Variants in MTREX observed in about 807,000 individuals in gnomAD.
The protein encoded by MTREX is Mtr4 exosome RNA helicase.
Under a neutral mutation model 135.4 loss-of-function variants are expected in MTREX, and 76 were observed. The observed-to-expected ratio is 0.56, with a 90% CI of 0.47 to 0.68. The LOEUF is 0.68. Ranked by LOEUF, MTREX falls within the 30% of genes least tolerant of loss-of-function variation. The pLI is 0.00. For missense variants in MTREX, 920 were observed against 1,262.1 expected (o/e 0.73, Z 4.11); for synonymous variants, 404 against 401.6 (o/e 1.01, Z -0.07).
intron 15 of MTREX, among the ~76,000 whole-genome samples, chr5:55,364,783 A>C (rs1357137478): frequency 1.3e-5 from 2 of 151,844 alleles, no homozygotes; most frequent in Non-Finnish European, 2.9e-5. Context: ...ATAATTGATT[A>C]AAAAGGGAGA....
intron 26 of MTREX, 22 bp from the exon 27 acceptor site, chr5:55,424,698 A>C: frequency 1.3e-6 from 2 of 1,590,268 alleles, no homozygotes; most frequent in Non-Finnish European, 1.7e-6. Context: ...GAAAGTTTAA[A>C]CCTTACTTTC....
At chr5:55,415,144 A>G (rs1451315695) in intron 24 of MTREX, among the ~76,000 whole-genome samples, 2 of 152,112 alleles carry the variant, frequency 1.3e-5, no homozygotes, top group Non-Finnish European at 2.9e-5. Flanking sequence ...AAAATGTGTC[A>G]TAAAAGGGCC....
intron 21 of MTREX, among the ~76,000 whole-genome samples, chr5:55,404,810 CTTTTTTTTTTTT>C (rs1750777185): frequency 3.1e-5 from 4 of 130,898 alleles, no homozygotes; most frequent in South Asian, 2.5e-4. Context: ...TTTTTTTTTT[CTTTTTTTTTTTT>C]AAGACGGAAT....
At chr5:55,412,680 T>A (rs1168275112) in intron 23 of MTREX, among the ~76,000 whole-genome samples, 1 of 152,208 alleles carries the variant, frequency 6.6e-6, no homozygotes, top group Non-Finnish European at 1.5e-5. Context: ...GAACAAACTG[T>A]ACATACCTGG....
intron 1 of MTREX, among the ~76,000 whole-genome samples, chr5:55,319,614 A>T (rs1259457498): frequency 1.3e-5 from 2 of 152,230 alleles, no homozygotes; most frequent in African/African-American, 4.8e-5. Context: ...ACATTCTCAG[A>T]TGGTTTCAAT....
chr5:55,350,825 A>G, intron 12 of MTREX, 94 bp from the exon 13 acceptor site: 1 of 1,001,716 alleles, frequency 1.0e-6, no homozygotes, highest in Non-Finnish European at 1.5e-6. Flanking sequence ...CTTTAAAGAG[A>G]AAGCATTCTT....
At chr5:55,385,835 C>T (rs1414623236) in intron 18 of MTREX, among the ~76,000 whole-genome samples, 3 of 152,154 alleles carry the variant, frequency 2.0e-5, no homozygotes, top group East Asian at 1.9e-4. Flanking sequence ...TAAAAAATTA[C>T]TTGCCTCTTT....
chr5:55,378,265 T>C, intron 16 of MTREX, 49 bp from the exon 17 acceptor site: 1 of 1,505,330 alleles, frequency 6.6e-7, no homozygotes, highest in Non-Finnish European at 8.8e-7. Context: ...GGGTATAATT[T>C]AAATAAGATG....
At chr5:55,335,362 A>G (rs1749537674) in intron 5 of MTREX, among the ~76,000 whole-genome samples, 1 of 152,030 alleles carries the variant, frequency 6.6e-6, no homozygotes, top group African/African-American at 2.4e-5. Context: ...ATACCTAAGA[A>G]TTACCTAATT....
At chr5:55,354,335 C>T (rs1342074281) in intron 14 of MTREX, among the ~76,000 whole-genome samples, 1 of 152,140 alleles carries the variant, frequency 6.6e-6, no homozygotes, top group Non-Finnish European at 1.5e-5. Flanking sequence ...TGAGAATTTG[C>T]TAAGCAGACA....
rs1024726784 is a variant in MTREX at position 55,312,525 on chromosome 5, C to T, written c.134+4378C>T. Among the ~76,000 whole-genome samples, 9 of 152,012 alleles carry T rather than the reference C, an allele frequency of 5.9e-5. 1 individual carries two copies. In the South Asian group the frequency reaches 1.2e-3, roughly 21 times the overall value. On this transcript the variant is annotated intron_variant, in intron 1 of 26. Transcript: ENST00000230640. Reference sequence around the variant, plus strand: ...TTTTTGTGCCCCTTTTTAATACATCCCTGTCGCCACCTATCTAGAACTTAT... The same window carrying T: ...TTTTTGTGCCCCTTTTTAATACATCTCTGTCGCCACCTATCTAGAACTTAT...
intron 5 of MTREX, among the ~76,000 whole-genome samples, chr5:55,330,923 G>C (rs1221633874): frequency 6.6e-6 from 1 of 151,834 alleles, no homozygotes; most frequent in Non-Finnish European, 1.5e-5. Flanking sequence ...TTCTGTTGCT[G>C]TGACTTCAGG....
At chr5:55,360,044 T>G (rs1749982828) in intron 15 of MTREX, among the ~76,000 whole-genome samples, 1 of 152,194 alleles carries the variant, frequency 6.6e-6, no homozygotes, top group South Asian at 2.1e-4. Context: ...TAGAATATTT[T>G]CATCAATCCA....
At chr5:55,400,043 G>T (rs529079183) in intron 20 of MTREX, among the ~76,000 whole-genome samples, 190 bp from the exon 21 acceptor site, 3 of 152,076 alleles carry the variant, frequency 2.0e-5, no homozygotes, top group African/African-American at 7.2e-5. Flanking sequence ...ATAGTATAGC[G>T]TTGAAAAAGA....
intron 26 of MTREX, 100 bp downstream of exon 26, chr5:55,423,082 T>A (rs1348203524): frequency 3.7e-6 from 3 of 811,146 alleles, no homozygotes; most frequent in Non-Finnish European, 4.1e-6. Context: ...TGAGATGTTC[T>A]TCACTGCATT....
At chr5:55,392,243 A>G (rs1750581552) in intron 19 of MTREX, among the ~76,000 whole-genome samples, 1 of 152,084 alleles carries the variant, frequency 6.6e-6, no homozygotes, top group African/African-American at 2.4e-5. Flanking sequence ...AATGCCTGCA[A>G]TCATTAAGTT....
At chr5:55,353,341 C>G (rs1234198330) in intron 14 of MTREX, 72 bp downstream of exon 14, 7 of 939,452 alleles carry the variant, frequency 7.5e-6, no homozygotes, top group Non-Finnish European at 1.1e-5. Flanking sequence ...CTTACATAGT[C>G]TTTGAGATTT....
intron 1 of MTREX, among the ~76,000 whole-genome samples, chr5:55,308,666 C>G (rs1749029373): frequency 6.6e-6 from 1 of 152,138 alleles, no homozygotes; most frequent in African/African-American, 2.4e-5. Context: ...TGTAAAGTGC[C>G]TAACAGTGGT....
intron 19 of MTREX, among the ~76,000 whole-genome samples, chr5:55,394,579 T>C (rs764445908): frequency 9.9e-5 from 15 of 152,124 alleles, no homozygotes; most frequent in Non-Finnish European, 2.2e-4. Context: ...GGTATGAGAA[T>C]CTAATGCTGC....
Sources: allele counts gnomAD v4.1 joint callset (sites outside exome capture counted in the v4.1 genomes callset), GRCh38; gene constraint gnomAD v4.1.1; transcripts MANE v1.5; gene names NCBI Gene and HGNC (gene_info 2026-07-23, HGNC 2026-07-21).